The following ABHD17C variants were observed in gnomAD, a reference collection of about 807,000 sequenced individuals.
The protein encoded by ABHD17C is abhydrolase domain containing 17C, depalmitoylase, also known as alpha/beta hydrolase domain-containing protein 17C.
A neutral mutation model predicts 27.9 loss-of-function variants in ABHD17C; 11 were observed. The observed-to-expected ratio is 0.39, with a 90% CI of 0.25 to 0.65. The LOEUF is 0.65. ABHD17C is among the 30% of genes least tolerant of loss of function. The pLI is 0.45. For missense variants in ABHD17C, 280 were observed against 470.2 expected (o/e 0.60, Z 3.74); for synonymous variants, 233 against 209.1 (o/e 1.11, Z -0.98).
chr15:80,713,354 C>CT (rs67320992), intron 1 of ABHD17C, among the ~76,000 whole-genome samples: 2,487 of 43,880 alleles, frequency 0.057, 403 homozygotes, highest in Middle Eastern at 0.15. Context: ...AGGTCTTGTT[C>CT]TTTTTTTTTT....
Position 80,716,682 on chromosome 15 carries a change from G to A in ABHD17C, c.590+20663G>A, listed in dbSNP as rs117498266. 2.2e-3 allele frequency among the ~76,000 whole-genome samples: 334 copies of A among 152,332 alleles called. 8 individuals carry two copies. In the South Asian group the frequency reaches 0.023, roughly 11 times the overall value. ...GTTTGTAAGCTCCATGAAGGCAGAA[G>A]TGGCGTCTTGTTCATATTTGAATTC... On this transcript the variant is annotated intron_variant, in intron 1 of 2. Coordinates refer to ENST00000258884, the MANE Select transcript of ABHD17C (RefSeq NM_021214.2).
intron 1 of ABHD17C, among the ~76,000 whole-genome samples, chr15:80,720,094 C>G (rs1004279730): frequency 7.9e-5 from 12 of 152,256 alleles, no homozygotes; most frequent in African/African-American, 2.9e-4. Context: ...GCTACCGCAA[C>G]CAGCCTCCTT....
intron 1 of ABHD17C, among the ~76,000 whole-genome samples, chr15:80,726,902 C>G (rs1894988342): frequency 6.6e-6 from 1 of 152,164 alleles, no homozygotes; most frequent in African/African-American, 2.4e-5. Flanking sequence ...TTAAGTTGAT[C>G]CCTTTATAAA....
In ABHD17C at chr15:80,753,305, A is replaced by G. The variant is rs537008336; in HGVS notation, c.771-846A>G. Among the ~76,000 whole-genome samples, 6 of 152,320 alleles carry G rather than the reference A, an allele frequency of 3.9e-5. No individual in the cohort carries two copies. In the South Asian group the frequency reaches 1.2e-3, roughly 32 times the overall value. On this transcript the variant is annotated intron_variant, in intron 2 of 2. Coordinates refer to ENST00000258884, the MANE Select transcript of ABHD17C (RefSeq NM_021214.2). The stretch of plus-strand genomic sequence containing the variant: ...TCTGTCTTTAATAAAATACTTCAAC[A>G]AACACAACAGCCAATTGCAGTGTGG...
At chr15:80,748,253 G>A (rs1034835094) in intron 1 of ABHD17C, among the ~76,000 whole-genome samples, 1 of 152,182 alleles carries the variant, frequency 6.6e-6, no homozygotes, top group Admixed American at 6.5e-5. Context: ...TTCACTGAAC[G>A]CCGTTATCAG....
chr15:80,729,840 A>T (rs950780409), intron 1 of ABHD17C, among the ~76,000 whole-genome samples: 1 of 152,192 alleles, frequency 6.6e-6, no homozygotes, highest in Non-Finnish European at 1.5e-5. Context: ...GGCCGGGTGC[A>T]GTGGCTTACG....
intron 1 of ABHD17C, among the ~76,000 whole-genome samples, chr15:80,746,748 C>G (rs887098374): frequency 2.6e-5 from 4 of 152,228 alleles, no homozygotes; most frequent in Non-Finnish European, 4.4e-5. Flanking sequence ...TCTGCCTTGT[C>G]TCCTGGGCTG....
intron 1 of ABHD17C, among the ~76,000 whole-genome samples, chr15:80,718,707 G>C (rs1219699883): frequency 2.0e-5 from 3 of 152,102 alleles, no homozygotes; most frequent in Admixed American, 2.0e-4. Context: ...ATTCAATCTT[G>C]GTTTTTAGAT....
intron 1 of ABHD17C, among the ~76,000 whole-genome samples, chr15:80,717,753 C>G (rs1894827822): frequency 6.6e-6 from 1 of 152,126 alleles, no homozygotes; most frequent in Admixed American, 6.5e-5. Flanking sequence ...AAATTGGAAC[C>G]ATTTTTCTTC....
rs374110330 is a variant in ABHD17C at position 80,742,143 on chromosome 15, C to T, written c.591-7370C>T. On this transcript the variant is annotated intron_variant, in intron 1 of 2. Coordinates refer to ENST00000258884, the MANE Select transcript of ABHD17C (RefSeq NM_021214.2). ...TGGTGGGGGGACTCTACTGTATATA[C>T]ATATATAAGAGGAGATTTTTTTTAT... 3.3e-5 allele frequency among the ~76,000 whole-genome samples: 5 copies of T among 152,110 alleles called. No individual in the cohort carries two copies. In the East Asian group the frequency reaches 5.8e-4, roughly 18 times the overall value.
At chr15:80,697,996 A>G (rs906494136) in intron 1 of ABHD17C, among the ~76,000 whole-genome samples, 5 of 152,120 alleles carry the variant, frequency 3.3e-5, no homozygotes, top group East Asian at 1.9e-4. Flanking sequence ...CCTGAAGCCA[A>G]TGCTTCACAA....
chr15:80,717,397 A>ATT (rs150538003), intron 1 of ABHD17C, among the ~76,000 whole-genome samples: 254 of 143,840 alleles, frequency 1.8e-3, no homozygotes, highest in Non-Finnish European at 2.4e-3. Flanking sequence ...ATTACAACAA[A>ATT]TTTTTTTTTT....
At chr15:80,705,334 TGTG>T (rs1471224421) in intron 1 of ABHD17C, among the ~76,000 whole-genome samples, 1,479 of 10,202 alleles carry the variant, frequency 0.14, 7 homozygotes, top group Non-Finnish European at 0.17. Flanking sequence ...TCCTATGATT[TGTG>T]TGTGTGTGTG....
At chr15:80,751,423 G>A (rs537255579) in intron 2 of ABHD17C, among the ~76,000 whole-genome samples, 36 of 152,298 alleles carry the variant, frequency 2.4e-4, no homozygotes, top group Admixed American at 7.2e-4. Context: ...GGAAATGAGA[G>A]GTTAAGTAAT....
intron 1 of ABHD17C, among the ~76,000 whole-genome samples, chr15:80,701,007 A>T (rs1384246703): frequency 6.6e-6 from 1 of 152,192 alleles, no homozygotes; most frequent in East Asian, 1.9e-4. Context: ...GTTAATCCCA[A>T]GCTGTTTCTT....
chr15:80,718,583 C>G (rs1053889683), intron 1 of ABHD17C, among the ~76,000 whole-genome samples: 3 of 152,158 alleles, frequency 2.0e-5, no homozygotes, highest in African/African-American at 7.2e-5. Context: ...ATCATCCCAC[C>G]TCAGCCTCCC....
intron 1 of ABHD17C, among the ~76,000 whole-genome samples, chr15:80,720,982 G>A (rs1894890214): frequency 6.6e-6 from 1 of 151,076 alleles, no homozygotes; most frequent in Non-Finnish European, 1.5e-5. Flanking sequence ...ACCGACTGAA[G>A]ACTTGGATCC....
intron 1 of ABHD17C, among the ~76,000 whole-genome samples, chr15:80,716,524 CTAGAGCCTCTG>C (rs1440919758): frequency 6.6e-6 from 1 of 152,128 alleles, no homozygotes; most frequent in Non-Finnish European, 1.5e-5. Context: ...ACGATCATGT[CTAGAGCCTCTG>C]TAGGTTTCTT....
rs1255958650 is a variant in ABHD17C at position 80,749,493 on chromosome 15, A to G, written c.591-20A>G. On this transcript the variant is annotated intron_variant, in intron 1 of 2. Transcript: ENST00000258884. ...TTCTTCATACCTTAGCTAATGGCAT[A>G]CAACCTCTGATTTCTCCAGGTATGG... 3.7e-6 allele frequency: 6 copies of G among 1,611,168 alleles called. No homozygotes were observed. Among genetic ancestry groups the G allele is most frequent in the Non-Finnish European group, 5.1e-6 (6 of 1,178,052 alleles).
Sources: allele counts gnomAD v4.1 joint callset (sites outside exome capture counted in the v4.1 genomes callset), GRCh38; gene constraint gnomAD v4.1.1; transcripts MANE v1.5; gene names NCBI Gene and HGNC (gene_info 2026-07-23, HGNC 2026-07-21).